The following PIK3C3 variants were observed in gnomAD, a reference collection of about 807,000 sequenced individuals.
PIK3C3 encodes the protein phosphatidylinositol 3-kinase catalytic subunit type 3, also known as PI3-kinase type 3.
Under a neutral mutation model 126.1 loss-of-function variants are expected in PIK3C3, and 95 were observed. The ratio of observed to expected loss-of-function variants is 0.75; its 90% CI spans 0.64 to 0.89. PIK3C3 has a LOEUF of 0.89. Ranked by LOEUF, PIK3C3 falls within the 40% of genes least tolerant of loss-of-function variation. The pLI is 0.00. For missense variants in PIK3C3, 829 were observed against 1,063.2 expected (o/e 0.78, Z 3.06); for synonymous variants, 374 against 360.0 (o/e 1.04, Z -0.44).
intron 22 of PIK3C3, among the ~76,000 whole-genome samples, chr18:42,059,614 G>T (rs190115326): frequency 6.6e-6 from 1 of 152,082 alleles, no homozygotes; most frequent in Non-Finnish European, 1.5e-5. Flanking sequence ...AAACAGGCAG[G>T]TTATTAATGG....
intron 4 of PIK3C3, among the ~76,000 whole-genome samples, chr18:41,978,627 T>C (rs2144328514): frequency 6.6e-6 from 1 of 152,274 alleles, no homozygotes; most frequent in East Asian, 1.9e-4. Context: ...TAAACGCACA[T>C]TGAAGAAGTA....
chr18:41,957,769 T>C lies in PIK3C3; in HGVS notation c.257+11T>C, dbSNP rs769597906. 1.2e-5 allele frequency: 20 copies of C among 1,601,954 alleles called. No individual in the cohort carries two copies. The South Asian group carries it at 2.1e-4, about 17-fold the overall frequency. Reference sequence around the variant, plus strand: ...TAGTACAAGATGGAAGTAAGTTTTTTTGTGGCATATGGTATGTTACAGACT... The same window carrying C: ...TAGTACAAGATGGAAGTAAGTTTTTCTGTGGCATATGGTATGTTACAGACT... On this transcript the variant is annotated intron_variant, in intron 2 of 24. Coordinates refer to ENST00000262039, the MANE Select transcript of PIK3C3 (RefSeq NM_002647.4).
intron 4 of PIK3C3, chr18:41,970,985 T>A (rs1283766293): frequency 1.3e-5 from 2 of 155,886 alleles, no homozygotes; most frequent in Admixed American, 6.4e-5. Context: ...CACTTGGAAG[T>A]GAAGATGACT....
chr18:41,968,754 A>G (rs1367502155), intron 3 of PIK3C3, among the ~76,000 whole-genome samples: 1 of 152,144 alleles, frequency 6.6e-6, no homozygotes, highest in African/African-American at 2.4e-5. Context: ...CCAGAACATT[A>G]TAATAATGAT....
intron 9 of PIK3C3, among the ~76,000 whole-genome samples, chr18:41,998,928 T>G (rs1172653126): frequency 6.6e-6 from 1 of 152,174 alleles, no homozygotes; most frequent in African/African-American, 2.4e-5. Context: ...AAATTATGAT[T>G]TAGGTTACTT....
intron 9 of PIK3C3, among the ~76,000 whole-genome samples, chr18:42,002,209 T>C (rs577519973): frequency 7.2e-5 from 11 of 152,256 alleles, no homozygotes; most frequent in Admixed American, 1.3e-4. Flanking sequence ...TATCCCTGTT[T>C]GATGAAGAGT....
chr18:41,955,276 C>T lies in PIK3C3; in HGVS notation c.-16C>T. The T allele has an allele frequency of 1.2e-6, 2 of 1,610,142 alleles. No individual in the cohort carries two copies. Among genetic ancestry groups the T allele is most frequent in the Non-Finnish European group, 1.7e-6 (2 of 1,177,444 alleles). On this transcript the variant is annotated 5_prime_UTR_variant, in exon 1 of 25. Coordinates refer to ENST00000262039, the MANE Select transcript of PIK3C3 (RefSeq NM_002647.4). ...CCTAAGTTCCCGCTGTAGGTGGTAC[C>T]TTTGCAGACGGTGCGATGGGGGAAG... is the stretch of plus-strand genomic sequence containing the variant.
rs16975482 is a variant in PIK3C3, at chr18:41,982,858, G to C, written c.532-4954G>C. 3.1e-3 allele frequency among the ~76,000 whole-genome samples: 466 copies of C among 152,252 alleles called. 1 individual carries two copies. Among genetic ancestry groups the C allele is most frequent in the African/African-American group, 0.011 (449 of 41,564 alleles). ...GAATCTTGCTTTTACATTTAATGGT[G>C]TCTCAGAATTGTTCCAGGTTATTTA... is the stretch of plus-strand genomic sequence containing the variant. On this transcript the variant is annotated intron_variant, in intron 4 of 24. Coordinates refer to ENST00000262039, the MANE Select transcript of PIK3C3 (RefSeq NM_002647.4).
At chr18:42,061,679 C>G (rs1192547271) in intron 22 of PIK3C3, among the ~76,000 whole-genome samples, 1 of 152,102 alleles carries the variant, frequency 6.6e-6, no homozygotes, top group East Asian at 1.9e-4. Flanking sequence ...CTTGATGTAT[C>G]TTAAATGGAA....
chr18:41,977,731 C>T (rs1049962459), intron 4 of PIK3C3, among the ~76,000 whole-genome samples: 5 of 152,096 alleles, frequency 3.3e-5, no homozygotes, highest in East Asian at 1.9e-4. Context: ...GTGATCAACC[C>T]GCCTCGGCCT....
intron 19 of PIK3C3, among the ~76,000 whole-genome samples, chr18:42,043,134 C>G (rs1350302904): frequency 6.7e-6 from 1 of 149,170 alleles, no homozygotes; most frequent in Non-Finnish European, 1.5e-5. Flanking sequence ...GAGTCTTGCT[C>G]TGTCGCCAGG....
At chr18:42,022,788 G>C (rs1983386235) in intron 13 of PIK3C3, among the ~76,000 whole-genome samples, 3 of 152,022 alleles carry the variant, frequency 2.0e-5, no homozygotes, top group African/African-American at 7.2e-5. Context: ...AGGAGGTTTT[G>C]ACTAATTGTT....
chr18:42,076,712 C>T (rs1325094702), intron 24 of PIK3C3, among the ~76,000 whole-genome samples: 1 of 152,158 alleles, frequency 6.6e-6, no homozygotes, highest in Non-Finnish European at 1.5e-5. Context: ...ATTTTCAGCC[C>T]AAATGCCTTG....
chr18:42,000,163 C>T (rs947053510), intron 9 of PIK3C3, among the ~76,000 whole-genome samples: 1 of 152,264 alleles, frequency 6.6e-6, no homozygotes, highest in Middle Eastern at 3.4e-3. Flanking sequence ...AAGTGATTCT[C>T]CTGTCTCAGC....
chr18:42,053,216 A>C (rs959390892), intron 21 of PIK3C3, among the ~76,000 whole-genome samples: 11 of 152,210 alleles, frequency 7.2e-5, no homozygotes, highest in Admixed American at 1.3e-4. Flanking sequence ...GTGAAAGAAA[A>C]TGATTCGCTG....
chr18:42,008,867 T>C (rs1489542271), intron 10 of PIK3C3, among the ~76,000 whole-genome samples: 1 of 152,078 alleles, frequency 6.6e-6, no homozygotes, highest in Non-Finnish European at 1.5e-5. Context: ...GACCAAGAAA[T>C]CAGATGATGA....
intron 24 of PIK3C3, among the ~76,000 whole-genome samples, chr18:42,067,837 G>C (rs1165576521): frequency 6.6e-6 from 1 of 152,124 alleles, no homozygotes; most frequent in African/African-American, 2.4e-5. Flanking sequence ...ACACTTGTTG[G>C]GTTTTGGTGA....
chr18:42,059,817 G>A (rs1387967973), intron 22 of PIK3C3: 2 of 150,960 alleles, frequency 1.3e-5, no homozygotes, highest in African/African-American at 4.9e-5. Context: ...GCCCAGGTTG[G>A]AGTGCAGTGG....
intron 14 of PIK3C3, among the ~76,000 whole-genome samples, chr18:42,027,750 G>A (rs1018610630): frequency 6.6e-6 from 1 of 152,172 alleles, no homozygotes; most frequent in African/African-American, 2.4e-5. Flanking sequence ...TGCCTCCTGG[G>A]TTCAAGAGAT....
Sources: allele counts gnomAD v4.1 joint callset (sites outside exome capture counted in the v4.1 genomes callset), GRCh38; gene constraint gnomAD v4.1.1; transcripts MANE v1.5; gene names NCBI Gene and HGNC (gene_info 2026-07-23, HGNC 2026-07-21).